Variants in INPP1 observed in about 807,000 individuals in gnomAD.
INPP1 encodes the protein inositol polyphosphate-1-phosphatase.
Under a neutral mutation model 23.0 loss-of-function variants are expected in INPP1, and 18 were observed. The ratio of observed to expected loss-of-function variants is 0.78; its 90% confidence interval spans 0.54 to 1.16. The LOEUF (loss-of-function observed/expected upper bound fraction) is 1.16, where lower values mean the gene tolerates loss of function less well. Ranked by LOEUF, INPP1 falls within the 50% of genes most tolerant of loss-of-function variation. The pLI is 0.00. For synonymous variants in INPP1, 164 were observed against 176.3 expected (o/e 0.93, Z 0.55); for missense variants, 448 against 482.1 (o/e 0.93, Z 0.66).
In INPP1 at chr2:190,370,974, C is replaced by T. The variant is rs748233163; in HGVS notation, c.772C>T (p.Pro258Ser). 6 of 1,614,048 alleles carry T rather than the reference C, an allele frequency of 3.7e-6. No homozygotes were observed. The African/African-American group carries it at 5.3e-5, about 14-fold the overall frequency. ...GNTGSEAAFSPSFSAVISTSE... is the reference protein window; with the variant it reads ...GNTGSEAAFSSSFSAVISTSE... ...CACCGGCTCTGAGGCAGCATTCTCC[C>T]CCAGTTTTTCAGCCGTAATTAGTAC... The change falls in exon 7 of 7, where the codon CCC (proline) becomes TCC (serine). Residue 258 changes from proline (P) to serine (S), a missense_variant. Transcript: ENST00000392329.
rs1010997074 is a variant in INPP1, at chr2:190,345,542, C to T, written c.-209+1581C>T. 1 of 152,106 alleles carries T rather than the reference C, an allele frequency of 6.6e-6. No individual in the cohort carries two copies. Among genetic ancestry groups the T allele is most frequent in the African/African-American group, 2.4e-5 (1 of 41,410 alleles). 9.4% of individuals were successfully genotyped at this position (152,106 alleles called of 1,614,324 possible). On this transcript the variant is annotated intron_variant, in intron 1 of 6. Coordinates refer to ENST00000392329, the MANE Select transcript of INPP1 (RefSeq NM_001128928.2). The surrounding 1 kb of genome is among the most constrained non-coding windows in gnomAD (Gnocchi z 4.9). ...AGATAATTATGTTATATAAAGTGAT[C>T]AATGAAAACAAACGTCATCTTCATT...
Position 190,366,547 on chromosome 2 carries a change from C to A in INPP1, c.266-148C>A, listed in dbSNP as rs9784054. On this transcript the variant is annotated intron_variant, in intron 4 of 6. Coordinates refer to ENST00000392329, the MANE Select transcript of INPP1 (RefSeq NM_001128928.2). The stretch of plus-strand genomic sequence containing the variant: ...TCTTGCTCTGTCTCTCTCGCTCTTT[C>A]GCTCTGTCTCGCTCTCTGTGTCTCT... The A allele has an allele frequency of 0.6, 384,941 of 642,962 alleles. 117,301 individuals carry two copies. Among genetic ancestry groups the A allele is most frequent in the Admixed American group, 0.76 (27,988 of 36,968 alleles). 39.8% of individuals were successfully genotyped at this position (642,962 alleles called of 1,614,324 possible). A position where few individuals can be genotyped will look rare whatever the true frequency, so the allele number is the denominator to read the frequency against.
In INPP1 at chr2:190,371,074, G is replaced by T; in HGVS notation, c.872G>T (p.Gly291Val). The T allele has an allele frequency of 6.2e-7, 1 of 1,614,092 alleles. No homozygotes were observed. The highest frequency in any genetic ancestry group is 8.5e-7 in the Non-Finnish European group (1 of 1,180,026). ...CGCATATTTGGGGCAGCTGGGGCTG[G>T]TTATAAGAGCCTATGTGTTGTCCAA... Reference protein sequence around the residue: ...GDRIFGAAGAGYKSLCVVQGL... With the variant: ...GDRIFGAAGAVYKSLCVVQGL... Residue 291 changes from glycine to valine, a missense_variant, in exon 7 of 7, where the codon GGT (glycine) becomes GTT (valine). Coordinates refer to ENST00000392329, the MANE Select transcript of INPP1 (RefSeq NM_001128928.2). The surrounding 1 kb of genome is among the most constrained non-coding windows in gnomAD (Gnocchi z 5.3).
Position 190,352,699 on chromosome 2 carries a change from G to A in INPP1, c.-65+3668G>A, listed in dbSNP as rs866627509. ...GTATGGAGCAAAGGAGAGGTGGGAC[G>A]AAGTCTATGTTTCCCCTACAACAGC... On this transcript the variant is annotated intron_variant, in intron 2 of 6. Coordinates refer to ENST00000392329, the MANE Select transcript of INPP1 (RefSeq NM_001128928.2). This position sits in a 1 kb window ranked among gnomAD's most constrained non-coding sequence, Gnocchi z 4.7. Among the ~76,000 whole-genome samples, 18 of 152,248 alleles carry A rather than the reference G, an allele frequency of 1.2e-4. No homozygotes were observed. The highest frequency in any genetic ancestry group is 3.1e-4 in the African/African-American group (13 of 41,542).
At chr2:190,362,849 C>G in intron 4 of INPP1, 162 bp downstream of exon 4, 1 of 445,792 alleles carries the variant, frequency 2.2e-6, no homozygotes, top group South Asian at 6.2e-5. Flanking sequence ...GAATATCATG[C>G]CATTTAACTT....
chr2:190,358,786 C>A (rs1689475717), intron 2 of INPP1, among the ~76,000 whole-genome samples: 1 of 152,172 alleles, frequency 6.6e-6, no homozygotes, highest in South Asian at 2.1e-4. Flanking sequence ...AAAGCCCCAA[C>A]AGATATAATC....
chr2:190,362,766 A>G (rs972689), intron 4 of INPP1, 79 bp downstream of exon 4: 291,407 of 875,322 alleles, frequency 0.33, 53,385 homozygotes, highest in African/African-American at 0.66. Flanking sequence ...ACCATGAACT[A>G]AATGTTTGGA....
chr2:190,357,526 T>A (rs1689440989), intron 2 of INPP1, among the ~76,000 whole-genome samples: 1 of 152,228 alleles, frequency 6.6e-6, no homozygotes. Context: ...ATTAGTGCAT[T>A]GACATATTTC....
chr2:190,360,123 G>A lies in INPP1; in HGVS notation c.21G>A (p.Glu7=). ...CAGAAATGTCAGATATCCTCCGGGA[G>A]CTGCTCTGTGTCTCTGAGAAGGCTG... MSDILR[E]LLCVSEKAAN... is the part of the protein sequence containing the mutation. The change falls in exon 3 of 7, where the codon GAG becomes GAA. Residue 7 remains glutamate, a synonymous_variant. Transcript: ENST00000392329. The A allele has an allele frequency of 6.2e-7, 1 of 1,613,500 alleles. No individual in the cohort carries two copies. Among genetic ancestry groups the A allele is most frequent in the South Asian group, 1.1e-5 (1 of 91,044 alleles).
Position 190,363,370 on chromosome 2 carries a change from T to G in INPP1, c.265+683T>G, listed in dbSNP as rs1575789943. 6.6e-6 allele frequency among the ~76,000 whole-genome samples: 1 copy of G among 152,144 alleles called. No homozygotes were observed. The highest frequency in any genetic ancestry group is 1.5e-5 in the Non-Finnish European group (1 of 68,014). ...GCCTCATCCTCCTGAGTGGCTGGGATTACAAGCATGTGCCACCACACCTGG... is the reference window on the plus strand; with the variant it reads ...GCCTCATCCTCCTGAGTGGCTGGGAGTACAAGCATGTGCCACCACACCTGG... On this transcript the variant is annotated intron_variant, in intron 4 of 6. Transcript: ENST00000392329. The surrounding 1 kb of genome is among the most constrained non-coding windows in gnomAD (Gnocchi z 4.4).
intron 2 of INPP1, among the ~76,000 whole-genome samples, chr2:190,357,563 A>G (rs1183630852): frequency 6.6e-6 from 1 of 152,210 alleles, no homozygotes; most frequent in East Asian, 1.9e-4. Context: ...CTTCAAAAAC[A>G]TGATTTTACC....
At chr2:190,348,289 C>T (rs1168250477) in intron 1 of INPP1, among the ~76,000 whole-genome samples, 1 of 152,066 alleles carries the variant, frequency 6.6e-6, no homozygotes, top group Non-Finnish European at 1.5e-5. Flanking sequence ...ATTTATTATG[C>T]CCTTATTATG....
Position 190,343,933 on chromosome 2 carries a change from C to G in INPP1, c.-237C>G, listed in dbSNP as rs923105506. 1 of 205,768 alleles carries G rather than the reference C, an allele frequency of 4.9e-6. No individual in the cohort carries two copies. The highest frequency in any genetic ancestry group is 1.1e-5 in the Non-Finnish European group (1 of 92,320). 12.7% of individuals were successfully genotyped at this position (205,768 alleles called of 1,614,324 possible). A position where few individuals can be genotyped will look rare whatever the true frequency, so the allele number is the denominator to read the frequency against. ...CGTTTCTCGAGGGAAAGGCTGCTGC[C>G]TCCTGCTCTGTCCTCATCCCCGGCT... On this transcript the variant is annotated 5_prime_UTR_variant, in exon 1 of 7. Transcript: ENST00000392329.
chr2:190,360,114 C>G lies in INPP1; in HGVS notation c.12C>G (p.Ile4Met). MSD[I>M]LRELLCVSEK... ...AGCAAGGTTCAGAAATGTCAGATAT[C>G]CTCCGGGAGCTGCTCTGTGTCTCTG... is the stretch of plus-strand genomic sequence containing the variant. Residue 4 changes from isoleucine (I) to methionine (M), a missense_variant, in exon 3 of 7, where the codon ATC (isoleucine) becomes ATG (methionine). Transcript: ENST00000392329. 11 of 1,613,134 alleles carry G rather than the reference C, an allele frequency of 6.8e-6. No homozygotes were observed. Among genetic ancestry groups the G allele is most frequent in the Non-Finnish European group, 9.3e-6 (11 of 1,179,992 alleles).
intron 4 of INPP1, among the ~76,000 whole-genome samples, chr2:190,364,346 T>C (rs566310526): frequency 2.0e-5 from 3 of 152,074 alleles, no homozygotes; most frequent in Non-Finnish European, 2.9e-5. Context: ...GAGTCCATCC[T>C]GGCTAACACG....
chr2:190,349,803 G>A (rs981429493), intron 2 of INPP1, among the ~76,000 whole-genome samples: 2 of 152,158 alleles, frequency 1.3e-5, no homozygotes, highest in African/African-American at 4.8e-5. Flanking sequence ...CTATGGAAAA[G>A]GGAGTTTAAA....
chr2:190,352,609 T>G lies in INPP1; in HGVS notation c.-65+3578T>G, dbSNP rs1412397686. Among the ~76,000 whole-genome samples the G allele has an allele frequency of 6.6e-6, 1 of 152,108 alleles. No homozygotes were observed. The highest frequency in any genetic ancestry group is 6.5e-5 in the Admixed American group (1 of 15,282). On this transcript the variant is annotated intron_variant, in intron 2 of 6. Transcript: ENST00000392329. The surrounding 1 kb of genome is among the most constrained non-coding windows in gnomAD (Gnocchi z 4.7). ...CATATTTAGTGTGGGCCCACTTCCATTCCCCTGTCCCTTCTGCACAAACAA... is the reference window on the plus strand; with the variant it reads ...CATATTTAGTGTGGGCCCACTTCCAGTCCCCTGTCCCTTCTGCACAAACAA...
intron 4 of INPP1, among the ~76,000 whole-genome samples, chr2:190,366,473 C>T (rs1200013613): frequency 1.3e-5 from 2 of 151,806 alleles, no homozygotes; most frequent in African/African-American, 2.4e-5. Context: ...CTCTGTCTCT[C>T]GCTCTTTTGC....
In INPP1 at chr2:190,366,307, G is replaced by A. The variant is rs1264052018; in HGVS notation, c.266-388G>A. Among the ~76,000 whole-genome samples, 4 of 108,616 alleles carry A rather than the reference G, an allele frequency of 3.7e-5. No homozygotes were observed. In the South Asian group the frequency reaches 1.3e-3, roughly 35 times the overall value. 71.3% of individuals were successfully genotyped at this position (108,616 alleles called of 152,430 possible). ...TCTCGCTCTCTGTCTCTCTCGCTCT[G>A]TCTCACTCTCTCTGTCTCACTCTCT... On this transcript the variant is annotated intron_variant, in intron 4 of 6. Transcript: ENST00000392329.
Sources: gnomAD v4.1 joint callset for allele counts (sites outside exome capture counted in the v4.1 genomes callset) on GRCh38, gnomAD v4.1.1 for gene constraint, Gnocchi (gnomAD v3.1) non-coding constraint, MANE v1.5 for transcripts, NCBI Gene and HGNC (gene_info 2026-07-23, HGNC 2026-07-21) for gene names.